The following CIB3 variants were observed in gnomAD, a reference collection of about 807,000 sequenced individuals.
CIB3 encodes the protein calcium and integrin-binding family member 3.
In CIB3, 22 loss-of-function variants were observed where a neutral mutation model predicts 23.4. The observed-to-expected ratio is 0.94, with a 90% CI of 0.67 to 1.34. The LOEUF (loss-of-function observed/expected upper bound fraction) is 1.34. Among genes scored for constraint, CIB3 ranks in the 40% most tolerant of loss-of-function variants. CIB3 has a pLI of 0.00. For synonymous variants in CIB3, 93 were observed against 95.8 expected (o/e 0.97, Z 0.17); for missense variants, 258 against 247.3 (o/e 1.04, Z -0.29).
intron 5 of CIB3, among the ~76,000 whole-genome samples, 187 bp from the exon 6 acceptor site, chr19:16,161,673 C>CTTTTTTTTTTTTTTTTTTTTT (rs55969649): frequency 1.0e-5 from 1 of 100,056 alleles, no homozygotes; most frequent in Non-Finnish European, 1.9e-5. Flanking sequence ...TTTTTTAATT[C>CTTTTTTTTTTTTTTTTTTTTT]TTTTTTTTTT....
In CIB3 at chr19:16,168,240, A is replaced by G. The variant is rs1383904204; in HGVS notation, c.243T>C (p.Asp81=). The G allele has an allele frequency of 6.2e-7, 1 of 1,613,650 alleles. No homozygotes were observed. Among genetic ancestry groups the G allele is most frequent in the Non-Finnish European group, 8.5e-7 (1 of 1,179,924 alleles). The change falls in exon 4 of 6, where the codon GAT becomes GAC. Residue 81 remains aspartate, a synonymous_variant. Transcript: ENST00000269878. ...RQRIAQVFSE[D]GDGHMTLDNF... ...TGTCCAGGGTCATGTGGCCATCCCC[A>G]TCCTCAGAGAATACCTGGGCAATCC...
chr19:16,168,173 G>T lies in CIB3; in HGVS notation c.310C>A (p.Arg104Ser). The part of the protein sequence containing the change: ...MFSVMSEMAP[R>S]DLKAYYAFKI... ...AAAGCATAGTAAGCCTTGAGGTCGC[G>T]GGGAGCCATTTCACTCATCACGGAA... is the stretch of plus-strand genomic sequence containing the variant. The change falls in exon 4 of 6, where the codon CGC becomes AGC. Residue 104 changes from arginine to serine, a missense_variant. Transcript: ENST00000269878. The T allele has an allele frequency of 6.2e-7, 1 of 1,611,590 alleles. No individual in the cohort carries two copies. Among genetic ancestry groups the T allele is most frequent in the Non-Finnish European group, 8.5e-7 (1 of 1,178,980 alleles).
Position 16,173,084 on chromosome 19 carries a change from A to ACACACC in CIB3, c.86+77_86+78insGGTGTG, listed in dbSNP as rs1555720747. Reference sequence around the variant, plus strand: ...CACACACACACACACACACACACACACCAAATTGCAAATATCCTCCAGCAA... The same window carrying ACACACC: ...CACACACACACACACACACACACACACACACCCCAAATTGCAAATATCCTCCAGCAA... On this transcript the variant is annotated intron_variant, in intron 2 of 5. Coordinates refer to ENST00000269878, the MANE Select transcript of CIB3 (RefSeq NM_054113.4). 2.7e-6 allele frequency: 4 copies of ACACACC among 1,508,072 alleles called. No individual in the cohort carries two copies. The East Asian group carries it at 6.8e-5, about 26-fold the overall frequency. The allele number at this position is 1,508,072 out of a possible 1,614,324, so 93.4% of individuals were successfully genotyped here.
intron 2 of CIB3, among the ~76,000 whole-genome samples, chr19:16,171,463 G>C (rs1019494055): frequency 7.2e-5 from 11 of 152,118 alleles, no homozygotes; most frequent in Non-Finnish European, 1.0e-4. Context: ...AGAGACATGA[G>C]TCCCTAGGTC....
At chr19:16,173,104 C>T in intron 2 of CIB3, 58 bp downstream of exon 2, 1 of 1,598,618 alleles carries the variant, frequency 6.3e-7, no homozygotes, top group African/African-American at 1.4e-5. Flanking sequence ...AAATATCCTC[C>T]AGCAATGAAT....
intron 5 of CIB3, among the ~76,000 whole-genome samples, chr19:16,163,016 A>G (rs1201048464): frequency 6.7e-6 from 1 of 150,316 alleles, no homozygotes; most frequent in Non-Finnish European, 1.5e-5. Context: ...CAGCCTCCCG[A>G]GTAGCTGGGA....
intron 2 of CIB3, among the ~76,000 whole-genome samples, chr19:16,171,833 G>A (rs2091329451): frequency 6.6e-6 from 1 of 152,206 alleles, no homozygotes; most frequent in African/African-American, 2.4e-5. Context: ...ACTAGTAAAA[G>A]GTGTGGCCAT....
intron 5 of CIB3, among the ~76,000 whole-genome samples, 187 bp from the exon 6 acceptor site, chr19:16,161,673 C>CTTTTTTTTTTTTTTTTT: frequency 1.0e-5 from 1 of 100,056 alleles, no homozygotes; most frequent in Non-Finnish European, 1.9e-5. Flanking sequence ...TTTTTTAATT[C>CTTTTTTTTTTTTTTTTT]TTTTTTTTTT....
rs2091299241 is a variant in CIB3, at chr19:16,164,862, G to C, written c.398C>G (p.Thr133Ser). Residue 133 changes from threonine to serine, a missense_variant, in exon 5 of 6, where the codon ACC (threonine) becomes AGC (serine). Physicochemically the swap from Thr to Ser is moderately conservative, Grantham distance 58. Transcript: ENST00000269878. ...ACTCAGCCCCCCCCGCGTCAGTTTG[G>C]TCACCGTCTGCTCCAGGTCCCACGC... ...ICAWDLEQTV[T>S]KLTRGGLSAE... The C allele has an allele frequency of 1.2e-6, 2 of 1,614,044 alleles. No homozygotes were observed. Among genetic ancestry groups the C allele is most frequent in the Non-Finnish European group, 1.7e-6 (2 of 1,180,024 alleles).
intron 5 of CIB3, 148 bp from the exon 6 acceptor site, chr19:16,161,634 C>T (rs2091285289): frequency 5.7e-6 from 4 of 696,816 alleles, no homozygotes; most frequent in Non-Finnish European, 1.0e-5. Context: ...CGGGAGACCC[C>T]TACAGGGGCT....
At position 16,168,194 on chromosome 19, in the gene CIB3, C is replaced by T. The variant is rs749462543; in HGVS notation, c.289G>A (p.Val97Met). 9.9e-6 allele frequency: 16 copies of T among 1,612,922 alleles called. No homozygotes were observed. The highest frequency in any genetic ancestry group is 2.2e-5 in the South Asian group (2 of 90,664). ...TCGCGGGGAGCCATTTCACTCATCA[C>T]GGAAAACATGTCCAAAAAGTTGTCC... is the stretch of plus-strand genomic sequence containing the variant. ...TLDNFLDMFS[V>M]MSEMAPRDLK... The change falls in exon 4 of 6, where the codon GTG (valine) becomes ATG (methionine). Residue 97 changes from valine (V) to methionine (M), a missense_variant. By Grantham distance (21) the Val-to-Met change is conservative. Transcript: ENST00000269878.
In CIB3 at chr19:16,164,761, C is replaced by T; in HGVS notation, c.499G>A (p.Glu167Lys). 6.2e-7 allele frequency: 1 copy of T among 1,614,022 alleles called. No homozygotes were observed. The highest frequency in any genetic ancestry group is 8.5e-7 in the Non-Finnish European group (1 of 1,179,998). The change falls in exon 5 of 6, where the codon GAA (glutamate) becomes AAA (lysine). Residue 167 changes from glutamate (E) to lysine (K), a missense_variant. Physicochemically the swap from Glu to Lys is moderately conservative, Grantham distance 56. Coordinates refer to ENST00000269878, the MANE Select transcript of CIB3 (RefSeq NM_054113.4). Reference protein sequence around the residue: ...DGDHDGRLSLEDFQNMILRAP... With the variant: ...DGDHDGRLSLKDFQNMILRAP... ...CGGAGGATCATGTTCTGGAAATCTT[C>T]CAGGGACAGCCGCCCATCATGGTCT...
In CIB3 at chr19:16,164,818, C is replaced by G; in HGVS notation, c.442G>C (p.Val148Leu). The change falls in exon 5 of 6, where the codon GTA becomes CTA. Residue 148 changes from valine (V) to leucine (L), a missense_variant. By Grantham distance (32) the Val-to-Leu change is conservative. Coordinates refer to ENST00000269878, the MANE Select transcript of CIB3 (RefSeq NM_054113.4). ...GGLSAEEVSLVCEKVLDEADG... is the reference protein window; with the variant it reads ...GGLSAEEVSLLCEKVLDEADG... ...GCCTCATCCAGCACCTTCTCACATA[C>G]CAGGCTCACCTCCTCGGCACTCAGC... 1.2e-6 allele frequency: 2 copies of G among 1,614,050 alleles called. No homozygotes were observed. Among genetic ancestry groups the G allele is most frequent in the East Asian group, 2.2e-5 (1 of 44,858 alleles).
At chr19:16,172,990 G>A (rs897777) in intron 2 of CIB3, among the ~76,000 whole-genome samples, 172 bp downstream of exon 2, 93,744 of 139,160 alleles carry the variant, frequency 0.67, 32,864 homozygotes, top group East Asian at 0.95. Flanking sequence ...AGGAAGGGAG[G>A]GAGGGAGGGA....
intron 3 of CIB3, among the ~76,000 whole-genome samples, chr19:16,168,690 A>T (rs1486988139): frequency 2.0e-5 from 3 of 152,170 alleles, no homozygotes; most frequent in African/African-American, 4.8e-5. Context: ...TGAGTGGCTG[A>T]GAGGTCCCTT....
chr19:16,173,280 C>G (rs1159752339), intron 1 of CIB3, 84 bp from the exon 2 acceptor site: 1 of 1,602,428 alleles, frequency 6.2e-7, no homozygotes, highest in Non-Finnish European at 8.5e-7. Context: ...CACACTCACA[C>G]AGATGGCCTG....
intron 3 of CIB3, 60 bp downstream of exon 3, chr19:16,169,570 A>G: frequency 7.0e-7 from 1 of 1,436,596 alleles, no homozygotes; most frequent in Non-Finnish European, 9.6e-7. Flanking sequence ...ACCTCAGAGG[A>G]ATGCAACGAG....
At position 16,164,713 on chromosome 19, in the gene CIB3, A is replaced by G. The variant is rs2145077904; in HGVS notation, c.542+5T>C. The G allele has an allele frequency of 1.2e-6, 2 of 1,612,954 alleles. No individual in the cohort carries two copies. The highest frequency in any genetic ancestry group is 1.7e-6 in the Non-Finnish European group (2 of 1,179,068). ...TGGACTGTGGGCGGTGACGGAGAGC[A>G]TCACCTGAGGAAGTCTGGTGCCCGG... On this transcript the variant is annotated splice_donor_5th_base_variant and intron_variant, in intron 5 of 5. Transcript: ENST00000269878.
intron 5 of CIB3, 70 bp from the exon 6 acceptor site, chr19:16,161,556 C>A (rs77495785): frequency 0.058 from 89,830 of 1,551,692 alleles, 5,053 homozygotes; most frequent in East Asian, 0.25. Context: ...TCCCCCTCAA[C>A]ACGCTCACGG....
Sources: gnomAD v4.1 joint callset for allele counts (sites outside exome capture counted in the v4.1 genomes callset) on GRCh38, gnomAD v4.1.1 for gene constraint, MANE v1.5 for transcripts, NCBI Gene and HGNC (gene_info 2026-07-23, HGNC 2026-07-21) for gene names.